CPLX2: variants seen among roughly 807,000 people sequenced by gnomAD.
CPLX2 encodes complexin-2.
A neutral mutation model predicts 16.3 loss-of-function variants in CPLX2; 5 were observed. The ratio of observed to expected loss-of-function variants is 0.31; its 90% CI spans 0.16 to 0.64. The LOEUF is 0.64. CPLX2 is among the 30% of genes least tolerant of loss of function. CPLX2 has a pLI of 0.79. For missense variants in CPLX2, 144 were observed against 181.4 expected, an observed-to-expected ratio of 0.79 and a Z score of 1.18; for synonymous variants, 89 against 73.2, an observed-to-expected ratio of 1.22 and a Z score of -1.10.
At chr5:175,848,600 T>C (rs1324300767) in intron 2 of CPLX2, among the ~76,000 whole-genome samples, 1 of 152,224 alleles carries the variant, frequency 6.6e-6, no homozygotes, top group East Asian at 1.9e-4. Flanking sequence ...GTGAGGGTCC[T>C]ACTCCTAGAG....
upstream of CPLX2, among the ~76,000 whole-genome samples, chr5:175,868,516 A>G (rs1223459582): frequency 6.6e-6 from 1 of 152,190 alleles, no homozygotes; most frequent in African/African-American, 2.4e-5. Context: ...AGTCACCTGA[A>G]GCAGAGCCAC....
At chr5:175,869,788 C>G (rs1158030799), upstream of CPLX2, among the ~76,000 whole-genome samples, 1 of 152,190 alleles carries the variant, frequency 6.6e-6, no homozygotes, top group Non-Finnish European at 1.5e-5. Context: ...TCACGTTTGT[C>G]AAAGTCCATC....
At chr5:175,825,657 G>C (rs1345164034) in intron 2 of CPLX2, among the ~76,000 whole-genome samples, 1 of 152,128 alleles carries the variant, frequency 6.6e-6, no homozygotes, top group African/African-American at 2.4e-5. Context: ...TGGGACGAGA[G>C]TCTCTGCCTG....
chr5:175,868,704 T>A (rs1208995554), upstream of CPLX2, among the ~76,000 whole-genome samples: 1 of 151,772 alleles, frequency 6.6e-6, no homozygotes, highest in African/African-American at 2.4e-5. Flanking sequence ...AGGTTTTTTT[T>A]TTTTTCTTTT....
At chr5:175,842,630 T>A (rs1277612430) in intron 2 of CPLX2, among the ~76,000 whole-genome samples, 1 of 152,126 alleles carries the variant, frequency 6.6e-6, no homozygotes, top group African/African-American at 2.4e-5. Flanking sequence ...CACTCCAGGG[T>A]TCCCCTAATC....
chr5:175,872,647 G>T lies in CPLX2; in HGVS notation c.-89+942G>T, dbSNP rs1031676584. On this transcript the variant is annotated intron_variant, in intron 1 of 3. Coordinates refer to ENST00000393745, the MANE Select transcript of CPLX2 (RefSeq NM_001008220.2). This position sits in a 1 kb window ranked among gnomAD's most constrained non-coding sequence, Gnocchi z 5.0. The stretch of plus-strand genomic sequence containing the variant: ...GGCTCCCTACCTCCTCCCATCCTCC[G>T]CTGCCCCTCCCCTCCCCCATGCGTC... Among the ~76,000 whole-genome samples, 1 of 152,048 alleles carries T rather than the reference G, an allele frequency of 6.6e-6. No homozygotes were observed. Among genetic ancestry groups the T allele is most frequent in the Admixed American group, 6.5e-5 (1 of 15,270 alleles).
chr5:175,836,094 T>C (rs1758829627), intron 2 of CPLX2, among the ~76,000 whole-genome samples: 1 of 152,146 alleles, frequency 6.6e-6, no homozygotes, highest in Non-Finnish European at 1.5e-5. Context: ...CTCACGCCTG[T>C]AATTCCAGCA....
chr5:175,797,637 G>C (rs144141221), intron 1 of CPLX2, among the ~76,000 whole-genome samples: 2 of 152,144 alleles, frequency 1.3e-5, no homozygotes, highest in Non-Finnish European at 1.5e-5. Flanking sequence ...GTTTCCGTAG[G>C]GGGAGGGGGC....
At chr5:175,853,841 G>A (rs116361567) in intron 2 of CPLX2, among the ~76,000 whole-genome samples, 2 of 152,160 alleles carry the variant, frequency 1.3e-5, no homozygotes, top group Non-Finnish European at 2.9e-5. Flanking sequence ...CCCCTCTGTG[G>A]AGTGCGATTG....
At chr5:175,858,326 G>A (rs959252616) in intron 2 of CPLX2, among the ~76,000 whole-genome samples, 10 of 152,236 alleles carry the variant, frequency 6.6e-5, no homozygotes, top group African/African-American at 1.7e-4. Context: ...GAGCACAAGC[G>A]ACACCACCCT....
intron 1 of CPLX2, among the ~76,000 whole-genome samples, chr5:175,876,424 G>A (rs1759757028): frequency 6.6e-6 from 1 of 152,116 alleles, no homozygotes; most frequent in Non-Finnish European, 1.5e-5. Context: ...AGGAAGAAGA[G>A]GAGTCAGAAA....
In CPLX2 at chr5:175,872,877, G is replaced by C. The variant is rs1759666167; in HGVS notation, c.-89+1172G>C. 6.6e-6 allele frequency: 1 copy of C among 152,410 alleles called. No individual in the cohort carries two copies. The highest frequency in any genetic ancestry group is 1.5e-5 in the Non-Finnish European group (1 of 68,174). 9.4% of individuals were successfully genotyped at this position (152,410 alleles called of 1,614,324 possible). On this transcript the variant is annotated intron_variant, in intron 1 of 3. Transcript: ENST00000393745. This position sits in a 1 kb window ranked among gnomAD's most constrained non-coding sequence, Gnocchi z 5.0. Reference sequence around the variant, plus strand: ...CACTGCAGGTTACCCGAGTCAGCCTGTCAGATGGCGGGGCCCAGTCCCGAA... The same window carrying C: ...CACTGCAGGTTACCCGAGTCAGCCTCTCAGATGGCGGGGCCCAGTCCCGAA...
intron 1 of CPLX2, among the ~76,000 whole-genome samples, chr5:175,798,486 C>T (rs1449570023): frequency 6.6e-6 from 1 of 152,148 alleles, no homozygotes; most frequent in Admixed American, 6.5e-5. Context: ...GCTGTGGGAT[C>T]TCAGAAGCAG....
chr5:175,814,965 G>T (rs1758380005), intron 2 of CPLX2, among the ~76,000 whole-genome samples: 1 of 152,202 alleles, frequency 6.6e-6, no homozygotes, highest in South Asian at 2.1e-4. Context: ...GAGATTGAAC[G>T]TGAGGGAGGG....
At chr5:175,826,458 G>A (rs144948014) in intron 2 of CPLX2, among the ~76,000 whole-genome samples, 15 of 152,298 alleles carry the variant, frequency 9.8e-5, no homozygotes, top group African/African-American at 2.9e-4. Context: ...CATACCTGGG[G>A]TGGGGCTAGT....
intron 2 of CPLX2, among the ~76,000 whole-genome samples, chr5:175,814,325 A>G (rs969725245): frequency 1.3e-5 from 2 of 152,232 alleles, no homozygotes; most frequent in African/African-American, 4.8e-5. Context: ...GGGAGTGCAG[A>G]GACCAGGACA....
intron 2 of CPLX2, among the ~76,000 whole-genome samples, chr5:175,860,581 GGGAGGGAAGGAAGGAAGGAA>G (rs1759352386): frequency 1.3e-5 from 1 of 78,528 alleles, no homozygotes; most frequent in East Asian, 3.8e-4. Context: ...GAGGGAGGGA[GGGAGGGAAGGAAGGAAGGAA>G]GGAAGGAAGG....
In CPLX2 at chr5:175,879,921, T is replaced by C. The variant is rs759810852; in HGVS notation, c.281T>C (p.Leu94Pro). 1.2e-6 allele frequency: 2 copies of C among 1,613,908 alleles called. No homozygotes were observed. The highest frequency in any genetic ancestry group is 1.7e-6 in the Non-Finnish European group (2 of 1,179,936). Residue 94 changes from leucine to proline, a missense_variant, in exon 4 of 4, where the codon CTG becomes CCG. Coordinates refer to ENST00000393745, the MANE Select transcript of CPLX2 (RefSeq NM_001008220.2). ...CTGGAGCAGCCCTGCGAGGGGAGCC[T>C]GACCCGGCCCAAGAAGGCCATCCCT... The part of the protein sequence containing the change: ...AALEQPCEGS[L>P]TRPKKAIPAG...
intron 2 of CPLX2, among the ~76,000 whole-genome samples, chr5:175,843,982 C>T (rs1758996415): frequency 1.3e-5 from 2 of 152,256 alleles, no homozygotes; most frequent in African/African-American, 4.8e-5. Flanking sequence ...CATTTGGGGC[C>T]TTGCCCATGT....
Sources: allele counts gnomAD v4.1 joint callset (sites outside exome capture counted in the v4.1 genomes callset), GRCh38; gene constraint gnomAD v4.1.1; non-coding constraint Gnocchi (gnomAD v3.1); transcripts MANE v1.5; gene names NCBI Gene and HGNC (gene_info 2026-07-23, HGNC 2026-07-21).